Variants in CFAP54 observed in about 807,000 individuals in gnomAD.
CFAP54 encodes cilia- and flagella-associated protein 54.
In CFAP54, 290 loss-of-function variants were observed where a neutral mutation model predicts 370.4. The ratio of observed to expected loss-of-function variants is 0.78; its 90% CI spans 0.71 to 0.86. The LOEUF (loss-of-function observed/expected upper bound fraction) is 0.86, where lower values mean the gene tolerates loss of function less well. CFAP54 is among the 40% of genes least tolerant of loss of function. The pLI is 0.00. For synonymous variants in CFAP54, 1,206 were observed against 1,236.5 expected (o/e 0.98, Z 0.52); for missense variants, 3,399 against 3,528.7 (o/e 0.96, Z 0.93).
At chr12:96,705,919 A>G (rs1276749399) in intron 47 of CFAP54, among the ~76,000 whole-genome samples, 1 of 149,758 alleles carries the variant, frequency 6.7e-6, no homozygotes, top group Non-Finnish European at 1.5e-5. Flanking sequence ...CTGAAGTTTC[A>G]TGCTTCAAGC....
At chr12:96,598,584 T>G in intron 25 of CFAP54, 61 bp from the exon 26 acceptor site, 1 of 498,634 alleles carries the variant, frequency 2.0e-6, no homozygotes, top group Non-Finnish European at 3.6e-6. Context: ...TGGAACATTT[T>G]CTAATGAAAT....
intron 60 of CFAP54, among the ~76,000 whole-genome samples, chr12:96,770,504 C>G (rs896378632): frequency 6.6e-6 from 1 of 152,190 alleles, no homozygotes; most frequent in Non-Finnish European, 1.5e-5. Flanking sequence ...TGAGAGAAAA[C>G]ATTCTTAGAA....
intron 67 of CFAP54, among the ~76,000 whole-genome samples, chr12:96,873,170 A>G (rs558022706): frequency 6.6e-6 from 1 of 152,226 alleles, no homozygotes; most frequent in African/African-American, 2.4e-5. Flanking sequence ...TTTCTGGAAC[A>G]AGGATCATGA....
rs757769729 is a variant in CFAP54, at chr12:96,743,429, T to C, written c.7247T>C (p.Leu2416Pro). The stretch of plus-strand genomic sequence containing the variant: ...GATGATATGACAGATTGCCTGAGCC[T>C]CATCAATGAAGTGTGTATGGAGGCA... ...KEDDMTDCLS[L>P]INEVCMEAKS... The change falls in exon 53 of 68, where the codon CTC (leucine) becomes CCC (proline). Residue 2416 changes from leucine (L) to proline (P), a missense_variant. Physicochemically the swap from Leu to Pro is moderately conservative, Grantham distance 98. Around this residue, in one of 3 missense-constraint regions of CFAP54, gnomAD observed 2,796 missense variants for 2,869.7 expected, o/e 0.97. Transcript: ENST00000524981. 1.9e-6 allele frequency: 3 copies of C among 1,613,850 alleles called. No individual in the cohort carries two copies. The highest frequency in any genetic ancestry group is 2.5e-6 in the Non-Finnish European group (3 of 1,179,928).
At chr12:96,630,460 T>A (rs1278430273) in intron 31 of CFAP54, 91 bp from the exon 32 acceptor site, 3 of 704,338 alleles carry the variant, frequency 4.3e-6, no homozygotes, top group Non-Finnish European at 6.5e-6. Flanking sequence ...TGTATTTCAA[T>A]GTCAAGAGAT....
At chr12:96,685,262 C>CTCACAT (rs1957314853) in intron 42 of CFAP54, 24 bp downstream of exon 42, 1 of 1,606,968 alleles carries the variant, frequency 6.2e-7, no homozygotes, top group East Asian at 2.2e-5. Context: ...TGGAAGGATC[C>CTCACAT]CCGTACTAGC....
chr12:96,790,758 G>A (rs1006755933), intron 62 of CFAP54, among the ~76,000 whole-genome samples: 3 of 151,992 alleles, frequency 2.0e-5, no homozygotes, highest in Non-Finnish European at 2.9e-5. Flanking sequence ...TGCTTATTGT[G>A]TATTTTGATC....
chr12:96,668,465 G>A (rs1474505245), intron 39 of CFAP54, among the ~76,000 whole-genome samples: 1 of 152,204 alleles, frequency 6.6e-6, no homozygotes, highest in Non-Finnish European at 1.5e-5. Flanking sequence ...TGGCAGGCAA[G>A]AGAGTGTGTG....
At chr12:96,706,243 A>G (rs563766030) in intron 47 of CFAP54, among the ~76,000 whole-genome samples, 19 of 152,182 alleles carry the variant, frequency 1.2e-4, no homozygotes, top group Non-Finnish European at 2.4e-4. Flanking sequence ...TTAGACGGAG[A>G]ACCATGCTGT....
intron 1 of CFAP54, among the ~76,000 whole-genome samples, chr12:96,495,273 C>CTTCCTTCCTTCT (rs1954938114): frequency 1.3e-5 from 1 of 79,500 alleles, no homozygotes; most frequent in Admixed American, 1.2e-4. Context: ...TCCTTCCTTC[C>CTTCCTTCCTTCT]TTCCTTCCTT....
intron 63 of CFAP54, among the ~76,000 whole-genome samples, chr12:96,795,787 C>T (rs1453747928): frequency 6.6e-6 from 1 of 152,092 alleles, no homozygotes; most frequent in Non-Finnish European, 1.5e-5. Context: ...CCATTTGCCC[C>T]CTCCTCCAGA....
chr12:96,823,671 G>C (rs928526168), intron 65 of CFAP54, among the ~76,000 whole-genome samples: 4 of 152,126 alleles, frequency 2.6e-5, no homozygotes, highest in Non-Finnish European at 5.9e-5. Flanking sequence ...ACTCCTTATG[G>C]GCTCTCTGTG....
intron 48 of CFAP54, among the ~76,000 whole-genome samples, chr12:96,711,667 G>A (rs192061964): frequency 5.3e-5 from 8 of 152,314 alleles, no homozygotes; most frequent in Non-Finnish European, 5.9e-5. Flanking sequence ...TTCTTGACTA[G>A]ATGTTTAATC....
intron 65 of CFAP54, among the ~76,000 whole-genome samples, chr12:96,826,071 C>T (rs1331260378): frequency 1.4e-5 from 2 of 143,698 alleles, no homozygotes; most frequent in Non-Finnish European, 3.0e-5. Context: ...CACACATTTA[C>T]CAGCATTTAG....
chr12:96,539,064 GT>G (rs1314197505), intron 13 of CFAP54, among the ~76,000 whole-genome samples: 72 of 111,766 alleles, frequency 6.4e-4, no homozygotes, highest in Admixed American at 7.0e-4. Flanking sequence ...GCCTTTTCAG[GT>G]TTTTTTTTTT....
rs987708635 is a variant in CFAP54 at position 96,665,513 on chromosome 12, G to T, written c.5563+1581G>T. Among the ~76,000 whole-genome samples, 4 of 152,096 alleles carry T rather than the reference G, an allele frequency of 2.6e-5. No individual in the cohort carries two copies. The East Asian group carries it at 7.7e-4, about 29-fold the overall frequency. ...GTTTATGTATATAGTGTAAGGAAGG[G>T]GTTTAGTTTCAATCTTCTATATATG... On this transcript the variant is annotated intron_variant, in intron 39 of 67. Transcript: ENST00000524981.
chr12:96,567,464 G>A (rs376069468), intron 19 of CFAP54, among the ~76,000 whole-genome samples: 4 of 152,094 alleles, frequency 2.6e-5, no homozygotes, highest in South Asian at 4.2e-4. Flanking sequence ...AAGTTGGATG[G>A]TGGTGTTGGG....
chr12:96,554,388 A>G, intron 16 of CFAP54, 78 bp downstream of exon 16: 1 of 1,417,190 alleles, frequency 7.1e-7, no homozygotes, highest in South Asian at 1.6e-5. Context: ...GTAGGTAAGT[A>G]AAGCATGACT....
chr12:96,643,678 C>T (rs1956759092), intron 32 of CFAP54, among the ~76,000 whole-genome samples: 1 of 151,966 alleles, frequency 6.6e-6, no homozygotes, highest in Admixed American at 6.6e-5. Context: ...TTTTCTGGAG[C>T]ATATTGAATA....
Sources: allele counts gnomAD v4.1 joint callset (sites outside exome capture counted in the v4.1 genomes callset), GRCh38; gene constraint gnomAD v4.1.1; regional missense constraint gnomAD v4.1.1; transcripts MANE v1.5; gene names NCBI Gene and HGNC (gene_info 2026-07-23, HGNC 2026-07-21).